ACSL4: variants seen among roughly 807,000 people sequenced by gnomAD.
ACSL4 encodes long-chain-fatty-acid--CoA ligase 4.
Under a neutral mutation model 49.1 loss-of-function variants are expected in ACSL4, and 9 were observed. The observed-to-expected ratio is 0.18, with a 90% confidence interval of 0.11 to 0.32. The LOEUF is 0.32. Ranked by LOEUF, ACSL4 falls within the 10% of genes least tolerant of loss-of-function variation. ACSL4 has a pLI of 1.00. For synonymous variants in ACSL4, 191 were observed against 170.3 expected, an observed-to-expected ratio of 1.12 and a Z score of -0.95; for missense variants, 333 against 493.7, an observed-to-expected ratio of 0.67 and a Z score of 3.08.
intron 1 of ACSL4, among the ~76,000 whole-genome samples, chrX:109,710,706 T>G (rs1417465173): frequency 8.9e-6 from 1 of 112,056 alleles, no homozygotes; most frequent in African/African-American, 3.2e-5. Context: ...TTTTATTTTT[T>G]AATTTTTAAT....
At chrX:109,651,369 A>C (rs2147368561) in intron 15 of ACSL4, among the ~76,000 whole-genome samples, 1 of 112,297 alleles carries the variant, frequency 8.9e-6, no homozygotes, top group South Asian at 3.7e-4. Context: ...CATTCACCAA[A>C]GTTCTTTTCT....
chrX:109,704,359 CAA>C (rs1170097118), intron 1 of ACSL4, among the ~76,000 whole-genome samples: 1 of 111,992 alleles, frequency 8.9e-6, no homozygotes, highest in African/African-American at 3.2e-5. Flanking sequence ...CATCTAAACT[CAA>C]AGACAGAGTC....
At position 109,649,212 on chromosome X, in the gene ACSL4, C is replaced by G. The variant is rs756690576; in HGVS notation, c.1856-5026G>C. ...TATGGAACCAAAAAAGAGCCAGCAT[C>G]GCCAAGTCAATCCTAAGCCAAAAGA... On this transcript the variant is annotated intron_variant, in intron 15 of 15. Coordinates refer to ENST00000672401, the MANE Select transcript of ACSL4 (RefSeq NM_001318510.2). Among the ~76,000 whole-genome samples the G allele has an allele frequency of 5.3e-3, 585 of 111,375 alleles. 5 individuals carry two copies. The highest frequency in any genetic ancestry group is 0.016 in the African/African-American group (502 of 30,556).
intron 15 of ACSL4, among the ~76,000 whole-genome samples, chrX:109,645,520 G>A (rs964962190): frequency 2.6e-4 from 29 of 111,997 alleles, no homozygotes; most frequent in African/African-American, 8.4e-4. Flanking sequence ...AAACCGATCT[G>A]TACATCACCA....
rs2147444689 is a variant in ACSL4, at chrX:109,681,211, T to G, written c.516+55A>C. 5 of 1,200,697 alleles carry G rather than the reference T, an allele frequency of 4.2e-6. No individual in the cohort carries two copies. The Admixed American group carries it at 1.1e-4, about 26-fold the overall frequency. On this transcript the variant is annotated intron_variant, in intron 5 of 15. Coordinates refer to ENST00000672401, the MANE Select transcript of ACSL4 (RefSeq NM_001318510.2). ...AAAAATTCACTTACTGAATGAATAT[T>G]TTTCTGTCCTGCCAGACAACGCAAC...
intron 15 of ACSL4, among the ~76,000 whole-genome samples, chrX:109,658,678 C>T (rs1387553460): frequency 9.0e-6 from 1 of 111,678 alleles, no homozygotes; most frequent in East Asian, 2.8e-4. Flanking sequence ...GAATGCCCAA[C>T]CTAGTTAACT....
chrX:109,668,036 G>C, intron 11 of ACSL4, 65 bp downstream of exon 11: 1 of 847,529 alleles, frequency 1.2e-6, no homozygotes, highest in Non-Finnish European at 1.7e-6. Context: ...GTTTCCAAAG[G>C]TAATGCGAAT....
At chrX:109,649,950 A>T (rs1934941131) in intron 15 of ACSL4, among the ~76,000 whole-genome samples, 1 of 108,975 alleles carries the variant, frequency 9.2e-6, no homozygotes, top group African/African-American at 3.3e-5. Context: ...TGGCCATCAG[A>T]GAAATGCAAA....
chrX:109,653,285 A>G (rs1487740676), intron 15 of ACSL4, among the ~76,000 whole-genome samples: 1 of 112,032 alleles, frequency 8.9e-6, no homozygotes, highest in Admixed American at 9.5e-5. Context: ...AATGGCAATC[A>G]TTAAAAAGTC....
intron 1 of ACSL4, among the ~76,000 whole-genome samples, chrX:109,700,867 A>G: frequency 9.1e-6 from 1 of 109,748 alleles, no homozygotes. Flanking sequence ...ACATGGTGAA[A>G]CCCTGTCTCT....
chrX:109,710,957 G>A (rs933978188), intron 1 of ACSL4, among the ~76,000 whole-genome samples: 4 of 112,194 alleles, frequency 3.6e-5, no homozygotes, highest in African/African-American at 6.5e-5. Flanking sequence ...GTGATCCTCC[G>A]GCCTTGGTTG....
intron 1 of ACSL4, among the ~76,000 whole-genome samples, chrX:109,720,490 A>T (rs954217359): frequency 8.9e-6 from 1 of 112,019 alleles, no homozygotes; most frequent in East Asian, 2.8e-4. Flanking sequence ...TTAGTAAAAC[A>T]GTCCAAAATT....
intron 8 of ACSL4, 41 bp downstream of exon 8, chrX:109,677,947 A>T: frequency 4.1e-6 from 5 of 1,207,409 alleles, no homozygotes; most frequent in Non-Finnish European, 5.6e-6. Context: ...CAAACCATGC[A>T]GCATCATACG....
intron 6 of ACSL4, among the ~76,000 whole-genome samples, chrX:109,679,206 C>T (rs1208838574): frequency 1.8e-5 from 2 of 111,995 alleles, no homozygotes; most frequent in African/African-American, 6.5e-5. Flanking sequence ...ACCACTGGAT[C>T]TGATCTTTAA....
chrX:109,724,196 A>T (rs1927781125), intron 1 of ACSL4, among the ~76,000 whole-genome samples: 1 of 111,783 alleles, frequency 8.9e-6, no homozygotes, highest in African/African-American at 3.3e-5. Flanking sequence ...CCTTCCTTTC[A>T]TCAGTGGTAT....
intron 15 of ACSL4, among the ~76,000 whole-genome samples, chrX:109,654,809 C>T (rs942973239): frequency 8.9e-6 from 1 of 111,930 alleles, no homozygotes; most frequent in Non-Finnish European, 1.9e-5. Flanking sequence ...TCTCCCGCAC[C>T]CTATGCTGCT....
At position 109,674,452 on chromosome X, in the gene ACSL4, T is replaced by C; in HGVS notation, c.952A>G (p.Ser318Gly). The C allele has an allele frequency of 2.5e-6, 3 of 1,206,069 alleles. No homozygotes were observed. The highest frequency in any genetic ancestry group is 3.4e-6 in the Non-Finnish European group (3 of 890,475). The part of the protein sequence containing the change: ...SDQSSKIKKG[S>G]KGDCTVLKPT... ...TTCAGTACAGTACAGTCTCCTTTGCTTCCTTTTTTAATTTTGCTGGACTAT... is the reference window on the plus strand; with the variant it reads ...TTCAGTACAGTACAGTCTCCTTTGCCTCCTTTTTTAATTTTGCTGGACTAT... Residue 318 changes from serine to glycine, a missense_variant, in exon 9 of 16, where the codon AGC (serine) becomes GGC (glycine). Ser to Gly is a moderately conservative substitution (Grantham distance 56). This residue lies in a region of ACSL4 where 175 missense variants were observed against 275.8 expected (regional missense o/e 0.63). Coordinates refer to ENST00000672401, the MANE Select transcript of ACSL4 (RefSeq NM_001318510.2).
chrX:109,668,314 A>G (rs550441596), intron 10 of ACSL4, 41 bp from the exon 11 acceptor site: 6 of 1,091,450 alleles, frequency 5.5e-6, no homozygotes, highest in South Asian at 2.2e-5. Context: ...GTACGCATAC[A>G]TTATTCTTGG....
chrX:109,661,546 C>A lies in ACSL4; in HGVS notation c.1682G>T (p.Cys561Phe), dbSNP rs1317656176. ...LKNCPLIDNI[C>F]AFAKSDQSYV... is the part of the protein sequence containing the mutation. Reference sequence around the variant, plus strand: ...GGAAAGTTACCTTTTGGCAAAAGCACAGATGTTGTCAATAAGTGGACAATT... The same window carrying A: ...GGAAAGTTACCTTTTGGCAAAAGCAAAGATGTTGTCAATAAGTGGACAATT... Residue 561 changes from cysteine to phenylalanine, a missense_variant, in exon 14 of 16, where the codon TGT becomes TTT. By Grantham distance (205) the Cys-to-Phe change is radical (BLOSUM62 -2). This residue lies in a region of ACSL4 where 175 missense variants were observed against 275.8 expected (regional missense o/e 0.63). Transcript: ENST00000672401. The A allele has an allele frequency of 8.3e-7, 1 of 1,206,529 alleles. No individual in the cohort carries two copies. Among genetic ancestry groups the A allele is most frequent in the Admixed American group, 2.2e-5 (1 of 45,859 alleles).
Sources: gnomAD v4.1 joint callset for allele counts (sites outside exome capture counted in the v4.1 genomes callset) on GRCh38, gnomAD v4.1.1 for gene constraint, gnomAD v4.1.1 regional missense constraint, MANE v1.5 for transcripts, NCBI Gene and HGNC (gene_info 2026-07-23, HGNC 2026-07-21) for gene names.